TARS3: variants seen among roughly 807,000 people sequenced by gnomAD.
The protein encoded by TARS3 is threonine--tRNA ligase 2, cytoplasmic.
In TARS3, 94 loss-of-function variants were observed where a neutral mutation model predicts 103.5. That is an observed-to-expected ratio of 0.91 (90% CI 0.77 to 1.08). TARS3 has a LOEUF of 1.08. TARS3 is among the 50% of genes least tolerant of loss of function. TARS3 has a pLI of 0.00. For synonymous variants in TARS3, 416 were observed against 355.4 expected (o/e 1.17, Z -1.92); for missense variants, 952 against 995.2 (o/e 0.96, Z 0.58).
At position 101,703,954 on chromosome 15, in the gene TARS3, A is replaced by C; in HGVS notation, c.996-17T>G. On this transcript the variant is annotated splice_polypyrimidine_tract_variant and intron_variant, in intron 7 of 18. Transcript: ENST00000335968. The stretch of plus-strand genomic sequence containing the variant: ...GGACCGCACCTATAATGAAATATTT[A>C]GGACATGCTCAGGCACAGTTACAGT... 1 of 1,579,500 alleles carries C rather than the reference A, an allele frequency of 6.3e-7. No individual in the cohort carries two copies. The highest frequency in any genetic ancestry group is 8.7e-7 in the Non-Finnish European group (1 of 1,149,008).
chr15:101,722,218 T>C (rs921414110), intron 2 of TARS3, among the ~76,000 whole-genome samples: 9 of 55,302 alleles, frequency 1.6e-4, no homozygotes, highest in East Asian at 4.8e-4. Context: ...GGCATCTCCC[T>C]TTTTTTTTTT....
At chr15:101,691,292 A>T (rs115877232) in intron 10 of TARS3, among the ~76,000 whole-genome samples, 34 of 137,982 alleles carry the variant, frequency 2.5e-4, no homozygotes, top group Non-Finnish European at 4.8e-4. Context: ...ATATATATAT[A>T]TTTTTGAAAC....
intron 4 of TARS3, among the ~76,000 whole-genome samples, chr15:101,713,846 C>T (rs1380097947): frequency 6.6e-6 from 1 of 152,148 alleles, no homozygotes; most frequent in Non-Finnish European, 1.5e-5. Context: ...TGAATTCAGT[C>T]TACAGTACTG....
intron 10 of TARS3, among the ~76,000 whole-genome samples, chr15:101,694,260 G>A (rs1366171330): frequency 1.3e-5 from 2 of 152,332 alleles, no homozygotes; most frequent in Middle Eastern, 6.8e-3. Context: ...CTCAGTGGGA[G>A]CAGTGTGCAC....
rs1446157777 is a variant in TARS3 at position 101,702,301 on chromosome 15, T to A, written c.1159A>T (p.Met387Leu). 1.2e-6 allele frequency: 2 copies of A among 1,614,186 alleles called. No individual in the cohort carries two copies. The change falls in exon 9 of 19, where the codon ATG becomes TTG. Residue 387 changes from methionine (M) to leucine (L), a missense_variant. By Grantham distance (15) the Met-to-Leu change is conservative (BLOSUM62 2). Around this residue, in one of 2 missense-constraint regions of TARS3, gnomAD observed 540 missense variants for 631.0 expected, o/e 0.86. Coordinates refer to ENST00000335968, the MANE Select transcript of TARS3 (RefSeq NM_152334.3). ...TCTTGGAACTTTTCCCAGTCTCTCATCATCTTGTTATCAGGAAAGGATATT... is the reference window on the plus strand; with the variant it reads ...TCTTGGAACTTTTCCCAGTCTCTCAACATCTTGTTATCAGGAAAGGATATT... ...YGISFPDNKM[M>L]RDWEKFQEEA...
At chr15:101,709,269 T>C (rs919620717) in intron 5 of TARS3, among the ~76,000 whole-genome samples, 5 of 152,244 alleles carry the variant, frequency 3.3e-5, no homozygotes, top group African/African-American at 9.6e-5. Context: ...ATCACGTCCC[T>C]GCCCTCACTG....
intron 15 of TARS3, among the ~76,000 whole-genome samples, chr15:101,663,172 G>A (rs1156516223): frequency 6.6e-6 from 1 of 152,136 alleles, no homozygotes; most frequent in Non-Finnish European, 1.5e-5. Context: ...GGTCCCACGA[G>A]ATTATAAAGA....
intron 15 of TARS3, among the ~76,000 whole-genome samples, chr15:101,670,002 C>G (rs1897735104): frequency 6.6e-6 from 1 of 152,124 alleles, no homozygotes; most frequent in African/African-American, 2.4e-5. Flanking sequence ...GAATCTTGAC[C>G]CAAATGTCAC....
In TARS3 at chr15:101,685,904, T is replaced by C. The variant is rs1296998753; in HGVS notation, c.1479A>G (p.Pro493=). The part of the protein sequence containing the change: ...DTFALKPMNC[P]GHCLMFAHRP... ...TCGCTTTTAATACTCACCAGTGCCC[T>C]GGACAATTCATGGGTTTGAGGGCAA... The change falls in exon 11 of 19, where the codon CCA becomes CCG. Residue 493 remains proline (P), a synonymous_variant. Coordinates refer to ENST00000335968, the MANE Select transcript of TARS3 (RefSeq NM_152334.3). 6.2e-7 allele frequency: 1 copy of C among 1,613,858 alleles called. No homozygotes were observed. Among genetic ancestry groups the C allele is most frequent in the Non-Finnish European group, 8.5e-7 (1 of 1,179,790 alleles).
In TARS3 at chr15:101,705,686, T is replaced by C. The variant is rs754370270; in HGVS notation, c.992A>G (p.Tyr331Cys). 6.2e-7 allele frequency: 1 copy of C among 1,610,584 alleles called. No individual in the cohort carries two copies. The highest frequency in any genetic ancestry group is 8.5e-7 in the Non-Finnish European group (1 of 1,177,966). The change falls in exon 7 of 19, where the codon TAC (tyrosine) becomes TGC (cysteine). Residue 331 changes from tyrosine (Y) to cysteine (C), a missense_variant. By Grantham distance (194) the Tyr-to-Cys change is radical. Around this residue, in one of 2 missense-constraint regions of TARS3, gnomAD observed 540 missense variants for 631.0 expected, o/e 0.86. Coordinates refer to ENST00000335968, the MANE Select transcript of TARS3 (RefSeq NM_152334.3). Reference sequence around the variant, plus strand: ...TTTACCATGTGTGGACACAAACCTGTACACGGTGGTAGTTGCAGTGTTAAC... The same window carrying C: ...TTTACCATGTGTGGACACAAACCTGCACACGGTGGTAGTTGCAGTGTTAAC... ...EKVNTATTTV[Y>C]RCGPLIDLCK...
intron 10 of TARS3, among the ~76,000 whole-genome samples, chr15:101,700,287 A>G (rs1473150438): frequency 1.3e-5 from 2 of 152,218 alleles, no homozygotes; most frequent in Non-Finnish European, 2.9e-5. Context: ...AGACTTTCCC[A>G]CCTATGAACT....
intron 13 of TARS3, among the ~76,000 whole-genome samples, chr15:101,674,448 AG>A (rs1897939609): frequency 6.6e-6 from 1 of 152,272 alleles, no homozygotes; most frequent in African/African-American, 2.4e-5. Flanking sequence ...TTAGTGAAGA[AG>A]GAACAAGAAA....
At chr15:101,697,410 A>T (rs1899033531) in intron 10 of TARS3, among the ~76,000 whole-genome samples, 1 of 152,192 alleles carries the variant, frequency 6.6e-6, no homozygotes, top group African/African-American at 2.4e-5. Context: ...CAAAGAACTC[A>T]TGGACTTAGC....
rs190164564 is a variant in TARS3, at chr15:101,671,677, G to A, written c.1860C>T (p.Gly620=). ...AAGCATGTGGTCGACTCACTTTAGG[G>A]CCATAAAATGCTCCATCTCCTGGGT... ...KMNPGDGAFY[G]PKIDIKIKDA... is the part of the protein sequence containing the mutation. The change falls in exon 14 of 19, where the codon GGC becomes GGT. Residue 620 remains glycine (G), a synonymous_variant. Coordinates refer to ENST00000335968, the MANE Select transcript of TARS3 (RefSeq NM_152334.3). 4.3e-6 allele frequency: 7 copies of A among 1,613,860 alleles called. No homozygotes were observed. The Admixed American group carries it at 5.0e-5, about 12-fold the overall frequency.
chr15:101,703,852 T>G lies in TARS3; in HGVS notation c.1074+7A>C, dbSNP rs757539739. The G allele has an allele frequency of 1.2e-6, 2 of 1,601,480 alleles. No homozygotes were observed. The highest frequency in any genetic ancestry group is 2.2e-5 in the South Asian group (2 of 90,466). On this transcript the variant is annotated splice_region_variant and intron_variant, in intron 8 of 18. Transcript: ENST00000335968. Reference sequence around the variant, plus strand: ...GTTTACTGTATTAAAAAAAAATCAATCCTTACCTTAAAAATTTTGATGGTT... The same window carrying G: ...GTTTACTGTATTAAAAAAAAATCAAGCCTTACCTTAAAAATTTTGATGGTT...
Position 101,723,120 on chromosome 15 carries a change from TTTC to T in TARS3, c.339_341del (p.Lys114del), listed in dbSNP as rs1201031334. ...CGCTGTCAGCCTCGCTTTCCTTCATTTTCTTCTTTTTCATGTCCTTGTCTTGGC... is the reference window on the plus strand; with the variant it reads ...CGCTGTCAGCCTCGCTTTCCTTCATTTTCTTTTTCATGTCCTTGTCTTGGC... On this transcript the variant is annotated inframe_deletion, in exon 2 of 19. Transcript: ENST00000335968. 6.2e-7 allele frequency: 1 copy of T among 1,614,180 alleles called. No homozygotes were observed. Among genetic ancestry groups the T allele is most frequent in the South Asian group, 1.1e-5 (1 of 91,080 alleles).
At chr15:101,690,130 G>T (rs1898650109) in intron 10 of TARS3, among the ~76,000 whole-genome samples, 1 of 152,112 alleles carries the variant, frequency 6.6e-6, no homozygotes, top group Non-Finnish European at 1.5e-5. Context: ...CCAAGCAAAA[G>T]GCAAGAATGT....
At chr15:101,716,631 C>CA (rs1381604520) in intron 3 of TARS3, among the ~76,000 whole-genome samples, 1 of 151,886 alleles carries the variant, frequency 6.6e-6, no homozygotes, top group Non-Finnish European at 1.5e-5. Context: ...CGAGTAGCAA[C>CA]AAAAAACAAT....
rs548276945 is a variant in TARS3, at chr15:101,663,472, CAAT to C, written c.1968-1659_1968-1657del. Among the ~76,000 whole-genome samples, 689 of 152,340 alleles carry C rather than the reference CAAT, an allele frequency of 4.5e-3. 10 individuals are homozygous for C. The highest frequency in any genetic ancestry group is 0.02 in the Middle Eastern group (6 of 294). On this transcript the variant is annotated intron_variant, in intron 15 of 18. Transcript: ENST00000335968. ...AGTACACTCCGTGATGTTCACACAA[CAAT>C]GATATTGCCTAACGACACATTTCTC...
Sources: allele counts gnomAD v4.1 joint callset (sites outside exome capture counted in the v4.1 genomes callset), GRCh38; gene constraint gnomAD v4.1.1; regional missense constraint gnomAD v4.1.1; transcripts MANE v1.5; gene names NCBI Gene and HGNC (gene_info 2026-07-23, HGNC 2026-07-21).